HDAC11: variants seen among roughly 807,000 people sequenced by gnomAD.
HDAC11 encodes histone deacetylase 11.
HDAC11 carries 23 observed loss-of-function variants against 41.1 expected under a neutral mutation model. The ratio of observed to expected loss-of-function variants is 0.56; its 90% CI spans 0.40 to 0.79. The LOEUF (loss-of-function observed/expected upper bound fraction) is 0.79. Among genes scored for constraint, HDAC11 ranks in the 30% least tolerant of loss-of-function variants. HDAC11 has a pLI of 0.00. For missense variants in HDAC11, 402 were observed against 477.3 expected, an observed-to-expected ratio of 0.84 and a Z score of 1.47; for synonymous variants, 187 against 186.6, an observed-to-expected ratio of 1.00 and a Z score of -0.02.
rs1028049095 is a variant in HDAC11 at position 13,480,364 on chromosome 3, G to T, written c.2+15G>T. On this transcript the variant is annotated intron_variant, in intron 1 of 9. Coordinates refer to ENST00000295757, the MANE Select transcript of HDAC11 (RefSeq NM_024827.4). The surrounding 1 kb of genome is among the most constrained non-coding windows in gnomAD (Gnocchi z 4.6). ...GGCCCCGGGATGTGAGTGCCGCGGGGCGAGGGCGGGGGTGGGCTCCCAGGG... is the reference window on the plus strand; with the variant it reads ...GGCCCCGGGATGTGAGTGCCGCGGGTCGAGGGCGGGGGTGGGCTCCCAGGG... 1.7e-6 allele frequency: 2 copies of T among 1,210,958 alleles called. No individual in the cohort carries two copies. Among genetic ancestry groups the T allele is most frequent in the Non-Finnish European group, 2.1e-6 (2 of 973,752 alleles). 75.0% of individuals were successfully genotyped at this position (1,210,958 alleles called of 1,614,324 possible).
Position 13,480,699 on chromosome 3 carries a change from C to A in HDAC11, c.2+350C>A, listed in dbSNP as rs1559367771. 4.3e-6 allele frequency: 2 copies of A among 464,778 alleles called. No homozygotes were observed. Among genetic ancestry groups the A allele is most frequent in the African/African-American group, 2.0e-5 (1 of 49,628 alleles). 28.8% of individuals were successfully genotyped at this position (464,778 alleles called of 1,614,324 possible). A position where few individuals can be genotyped will look rare whatever the true frequency, so the allele number is the denominator to read the frequency against. ...GGGGCGGATTTCTGTCTCTGGGTGA[C>A]GACTGCCAGGGTGTGATGGGAAGGG... is the stretch of plus-strand genomic sequence containing the variant. On this transcript the variant is annotated intron_variant, in intron 1 of 9. Coordinates refer to ENST00000295757, the MANE Select transcript of HDAC11 (RefSeq NM_024827.4). This position sits in a 1 kb window ranked among gnomAD's most constrained non-coding sequence, Gnocchi z 4.6.
chr3:13,499,037 G>A (rs58776597), intron 5 of HDAC11, among the ~76,000 whole-genome samples: 6,439 of 151,824 alleles, frequency 0.042, 210 homozygotes, highest in African/African-American at 0.098. Context: ...CAGAGGGCCC[G>A]TGCTCCCCAG....
chr3:13,501,969 C>A, intron 7 of HDAC11, 36 bp downstream of exon 7: 1 of 1,571,116 alleles, frequency 6.4e-7, no homozygotes, highest in Non-Finnish European at 8.8e-7. Context: ...CTTAGGGGAC[C>A]TGCCACCCCC....
intron 3 of HDAC11, among the ~76,000 whole-genome samples, chr3:13,493,843 A>G (rs114173577): frequency 1.5e-4 from 23 of 152,356 alleles, no homozygotes; most frequent in African/African-American, 5.3e-4. Context: ...CCCCTGCACC[A>G]GGTCAGGTCC....
chr3:13,505,066 A>G lies in HDAC11; in HGVS notation c.*383A>G. On this transcript the variant is annotated 3_prime_UTR_variant, in exon 10 of 10. Transcript: ENST00000295757. Reference sequence around the variant, plus strand: ...CCCAGGTCGGAGTGAGGAAGCTTCCACCTCCATCCTGACTAGGCCTGCATC... The same window carrying G: ...CCCAGGTCGGAGTGAGGAAGCTTCCGCCTCCATCCTGACTAGGCCTGCATC... 2 of 287,076 alleles carry G rather than the reference A, an allele frequency of 7.0e-6. No homozygotes were observed. Among genetic ancestry groups the G allele is most frequent in the Non-Finnish European group, 1.4e-5 (2 of 147,090 alleles). 17.8% of individuals were successfully genotyped at this position (287,076 alleles called of 1,614,324 possible).
chr3:13,497,898 C>T (rs1702176154), intron 4 of HDAC11, among the ~76,000 whole-genome samples: 1 of 134,184 alleles, frequency 7.5e-6, no homozygotes, highest in South Asian at 2.4e-4. Context: ...CTCTGTCCTC[C>T]AGGCTGGAGT....
In HDAC11 at chr3:13,501,904, GCTAC is replaced by G. The variant is rs1420573295; in HGVS notation, c.525_528del (p.Thr176SerfsTer103). The G allele has an allele frequency of 6.2e-7, 1 of 1,613,978 alleles. No homozygotes were observed. ...TGAGCGTGTGGAGGGCATCTCCAGG[GCTAC>G]CATCATTGATCTTGATGCCCATCAG... is the stretch of plus-strand genomic sequence containing the variant. On this transcript the variant is annotated frameshift_variant, in exon 7 of 10. Coordinates refer to ENST00000295757, the MANE Select transcript of HDAC11 (RefSeq NM_024827.4). LOFTEE classifies it high-confidence loss of function.
intron 3 of HDAC11, among the ~76,000 whole-genome samples, chr3:13,495,164 G>A (rs189486107): frequency 2.3e-3 from 355 of 152,162 alleles, no homozygotes; most frequent in African/African-American, 8.1e-3. Context: ...GGCCTCCTGA[G>A]CACTGCACCT....
chr3:13,501,364 G>C (rs1028286200), intron 6 of HDAC11, among the ~76,000 whole-genome samples: 1 of 152,208 alleles, frequency 6.6e-6, no homozygotes, highest in Non-Finnish European at 1.5e-5. Flanking sequence ...ATGTGTGCCT[G>C]CTCTCATGGG....
At chr3:13,497,981 G>A (rs1308111512) in intron 4 of HDAC11, among the ~76,000 whole-genome samples, 1 of 145,714 alleles carries the variant, frequency 6.9e-6, no homozygotes, top group Non-Finnish European at 1.5e-5. Context: ...TCAGCCTCCC[G>A]AGTAGCTGGG....
rs374871898 is a variant in HDAC11 at position 13,496,798 on chromosome 3, T to C, written c.315T>C (p.Leu105=). Residue 105 remains leucine (L), a synonymous_variant, in exon 4 of 10, where the codon CTT becomes CTC. Coordinates refer to ENST00000295757, the MANE Select transcript of HDAC11 (RefSeq NM_024827.4). ...CCGTTATCTTCCTCCCCAACTTCCTTGTGCAGAGGAAGGTGCTGAGGCCCC... is the reference window on the plus strand; with the variant it reads ...CCGTTATCTTCCTCCCCAACTTCCTCGTGCAGAGGAAGGTGCTGAGGCCCC... ...IPPVIFLPNF[L]VQRKVLRPLR... is the part of the protein sequence containing the mutation. 1 of 1,599,348 alleles carries C rather than the reference T, an allele frequency of 6.3e-7. No homozygotes were observed.
rs879448199 is a variant in HDAC11, at chr3:13,480,677, G to A, written c.2+328G>A. On this transcript the variant is annotated intron_variant, in intron 1 of 9. Transcript: ENST00000295757. This position sits in a 1 kb window ranked among gnomAD's most constrained non-coding sequence, Gnocchi z 4.6. Reference sequence around the variant, plus strand: ...CGCCCCCACGGAGGCAGCCACTGGGGCGGATTTCTGTCTCTGGGTGACGAC... The same window carrying A: ...CGCCCCCACGGAGGCAGCCACTGGGACGGATTTCTGTCTCTGGGTGACGAC... 198 of 448,584 alleles carry A rather than the reference G, an allele frequency of 4.4e-4. 3 individuals carry two copies. The Admixed American group carries it at 5.4e-3, about 12-fold the overall frequency. The allele number at this position is 448,584 out of a possible 1,614,324, so 27.8% of individuals were successfully genotyped here.
intron 6 of HDAC11, 174 bp from the exon 7 acceptor site, chr3:13,501,697 C>G: frequency 1.4e-6 from 1 of 723,192 alleles, no homozygotes; most frequent in Admixed American, 2.0e-5. Context: ...ACATGGAGCC[C>G]CACAGCTGGA....
intron 2 of HDAC11, 42 bp from the exon 3 acceptor site, chr3:13,483,422 T>G: frequency 1.3e-6 from 2 of 1,548,550 alleles, no homozygotes; most frequent in Non-Finnish European, 1.8e-6. Context: ...GCCCTGGCCT[T>G]GAGGTCAGTG....
rs1046116532 is a variant in HDAC11, at chr3:13,502,359, G to A, written c.552+426G>A. The A allele has an allele frequency of 1.2e-4, 24 of 196,588 alleles. No individual in the cohort carries two copies. Among genetic ancestry groups the A allele is most frequent in the African/African-American group, 2.6e-4 (11 of 42,952 alleles). The allele number at this position is 196,588 out of a possible 1,614,324, so 12.2% of individuals were successfully genotyped here. A position where few individuals can be genotyped will look rare whatever the true frequency, so the allele number is the denominator to read the frequency against. Reference sequence around the variant, plus strand: ...TGGGGTCACCATTTAAGAACTCGGCGCCTAGGGAGTAAAGTGTCAAAGCAG... The same window carrying A: ...TGGGGTCACCATTTAAGAACTCGGCACCTAGGGAGTAAAGTGTCAAAGCAG... On this transcript the variant is annotated intron_variant, in intron 7 of 9. Coordinates refer to ENST00000295757, the MANE Select transcript of HDAC11 (RefSeq NM_024827.4). The surrounding 1 kb of genome is among the most constrained non-coding windows in gnomAD (Gnocchi z 4.1).
At chr3:13,485,879 T>C (rs1355558850) in intron 3 of HDAC11, among the ~76,000 whole-genome samples, 1 of 152,158 alleles carries the variant, frequency 6.6e-6, no homozygotes, top group Non-Finnish European at 1.5e-5. Flanking sequence ...CTGAAAAAGT[T>C]AACCAAGATG....
At chr3:13,489,653 G>A (rs1331924623) in intron 3 of HDAC11, among the ~76,000 whole-genome samples, 2 of 152,134 alleles carry the variant, frequency 1.3e-5, no homozygotes, top group African/African-American at 4.8e-5. Flanking sequence ...TGCAACCTCC[G>A]TCTCCTGGGT....
intron 3 of HDAC11, among the ~76,000 whole-genome samples, chr3:13,494,720 C>T (rs77931649): frequency 0.021 from 3,209 of 152,304 alleles, 167 homozygotes; most frequent in East Asian, 0.16. Flanking sequence ...CAGCTTCCCC[C>T]GCCTTCAGCC....
chr3:13,486,935 G>A (rs530578681), intron 3 of HDAC11, among the ~76,000 whole-genome samples: 2 of 152,244 alleles, frequency 1.3e-5, no homozygotes, highest in South Asian at 4.1e-4. Flanking sequence ...GAGGGTGGAG[G>A]GGACTTGATC....
Sources: allele counts gnomAD v4.1 joint callset (sites outside exome capture counted in the v4.1 genomes callset), GRCh38; gene constraint gnomAD v4.1.1; non-coding constraint Gnocchi (gnomAD v3.1); transcripts MANE v1.5; gene names NCBI Gene and HGNC (gene_info 2026-07-23, HGNC 2026-07-21).